The following RAB14 variants were observed in gnomAD, a reference collection of about 807,000 sequenced individuals.
The protein encoded by RAB14 is RAB14, member RAS oncogene family.
RAB14 carries 3 observed loss-of-function variants against 31.1 expected under a neutral mutation model. That is an observed-to-expected ratio of 0.10 (90% CI 0.04 to 0.25). RAB14 has a LOEUF of 0.25. Ranked by LOEUF, RAB14 falls within the 10% of genes least tolerant of loss-of-function variation. The pLI is 1.00. For missense variants in RAB14, 111 were observed against 260.1 expected, an observed-to-expected ratio of 0.43 and a Z score of 3.94; for synonymous variants, 85 against 84.9, an observed-to-expected ratio of 1.00 and a Z score of 0.00.
Position 121,178,749 on chromosome 9 carries a change from A to G in RAB14, c.*2647T>C, listed in dbSNP as rs951876528. ...TATTATCCATAAAAAAGACTTCAAC[A>G]TTGTACTGGAAGATCTATTTAAGCA... On this transcript the variant is annotated 3_prime_UTR_variant, in exon 8 of 8. Transcript: ENST00000373840. The G allele has an allele frequency of 7.2e-5, 11 of 152,228 alleles. No individual in the cohort carries two copies. The highest frequency in any genetic ancestry group is 1.2e-4 in the Non-Finnish European group (8 of 68,030). 9.4% of individuals were successfully genotyped at this position (152,228 alleles called of 1,614,324 possible). A position where few individuals can be genotyped will look rare whatever the true frequency, so the allele number is the denominator to read the frequency against.
At chr9:121,182,514 T>C (rs188385399) in intron 7 of RAB14, among the ~76,000 whole-genome samples, 7 of 152,348 alleles carry the variant, frequency 4.6e-5, no homozygotes, top group African/African-American at 1.7e-4. Context: ...TTCACTATGC[T>C]TCTGAGTAGA....
intron 5 of RAB14, among the ~76,000 whole-genome samples, chr9:121,184,258 G>A (rs965610742): frequency 1.3e-5 from 2 of 152,156 alleles, no homozygotes; most frequent in African/African-American, 2.4e-5. Flanking sequence ...TTGGGGGCAC[G>A]TATGCAGTAA....
intron 1 of RAB14, 74 bp downstream of exon 1, chr9:121,201,565 C>T (rs2053782370): frequency 1.3e-5 from 2 of 152,466 alleles, no homozygotes; most frequent in African/African-American, 4.8e-5. Context: ...TCCACCGTCC[C>T]CACACACGCC....
At chr9:121,196,624 C>T (rs12003058) in intron 1 of RAB14, among the ~76,000 whole-genome samples, 163 of 152,272 alleles carry the variant, frequency 1.1e-3, no homozygotes, top group African/African-American at 3.9e-3. Context: ...AACCACCACA[C>T]CATCCTGCCC....
At chr9:121,194,497 C>T (rs899381594) in intron 1 of RAB14, among the ~76,000 whole-genome samples, 11 of 152,248 alleles carry the variant, frequency 7.2e-5, no homozygotes, top group African/African-American at 2.6e-4. Context: ...CGTGCTAGGT[C>T]CTAGAGAGAA....
chr9:121,191,903 T>A (rs934157251), intron 3 of RAB14, among the ~76,000 whole-genome samples: 1 of 152,076 alleles, frequency 6.6e-6, no homozygotes, highest in African/African-American at 2.4e-5. Flanking sequence ...AATAAAAAGA[T>A]TAAGTTTGAC....
chr9:121,200,178 T>A (rs1481335087), intron 1 of RAB14, among the ~76,000 whole-genome samples: 1 of 152,172 alleles, frequency 6.6e-6, no homozygotes, highest in Non-Finnish European at 1.5e-5. Flanking sequence ...CCAAAACTCT[T>A]AACCACGACA....
chr9:121,183,492 A>C, intron 5 of RAB14, 94 bp from the exon 6 acceptor site: 1 of 961,098 alleles, frequency 1.0e-6, no homozygotes, highest in Non-Finnish European at 1.6e-6. Context: ...TGATAGAAAA[A>C]ATGACTGGGC....
intron 1 of RAB14, among the ~76,000 whole-genome samples, chr9:121,195,049 G>A (rs979613012): frequency 5.9e-5 from 9 of 152,050 alleles, no homozygotes; most frequent in African/African-American, 2.2e-4. Flanking sequence ...AACTGATTCT[G>A]AACATCACAA....
chr9:121,201,086 G>A (rs1422211898), intron 1 of RAB14, among the ~76,000 whole-genome samples: 3 of 152,088 alleles, frequency 2.0e-5, no homozygotes, highest in South Asian at 2.1e-4. Flanking sequence ...CCCGGCTGCA[G>A]GGCCGGGCTC....
intron 3 of RAB14, 79 bp downstream of exon 3, chr9:121,192,092 C>T: frequency 1.7e-6 from 2 of 1,144,708 alleles, no homozygotes; most frequent in South Asian, 2.9e-5. Flanking sequence ...ATGAAGTATA[C>T]TGAAAATGAC....
At position 121,181,145 on chromosome 9, in the gene RAB14, G is replaced by C. The variant is rs537210160; in HGVS notation, c.*251C>G. 6.0e-6 allele frequency: 2 copies of C among 335,290 alleles called. No individual in the cohort carries two copies. The highest frequency in any genetic ancestry group is 1.1e-5 in the Non-Finnish European group (2 of 186,516). 20.8% of individuals were successfully genotyped at this position (335,290 alleles called of 1,614,324 possible). A position where few individuals can be genotyped will look rare whatever the true frequency, so the allele number is the denominator to read the frequency against. On this transcript the variant is annotated 3_prime_UTR_variant, in exon 8 of 8. Transcript: ENST00000373840. The stretch of plus-strand genomic sequence containing the variant: ...CATATATTGGTGACATACTTATCAC[G>C]AGGACAAGGGGGAAAAAAAGTCTAG...
At chr9:121,186,639 A>C (rs192891843) in intron 5 of RAB14, among the ~76,000 whole-genome samples, 14 of 152,220 alleles carry the variant, frequency 9.2e-5, no homozygotes, top group East Asian at 1.9e-4. Context: ...TCCAATGCTA[A>C]AGTTTTATGA....
Position 121,180,524 on chromosome 9 carries a change from C to T in RAB14, c.*872G>A, listed in dbSNP as rs2053627031. 6.6e-6 allele frequency: 1 copy of T among 152,636 alleles called. No individual in the cohort carries two copies. The highest frequency in any genetic ancestry group is 1.5e-5 in the Non-Finnish European group (1 of 68,044). 9.5% of individuals were successfully genotyped at this position (152,636 alleles called of 1,614,324 possible). On this transcript the variant is annotated 3_prime_UTR_variant, in exon 8 of 8. Transcript: ENST00000373840. ...GGAGCTCTTTCCAGCATAATGTCCCCAAACACTGCCAGCACCAAGGGGTGG... is the reference window on the plus strand; with the variant it reads ...GGAGCTCTTTCCAGCATAATGTCCCTAAACACTGCCAGCACCAAGGGGTGG...
At chr9:121,189,186 C>T (rs1320610532) in intron 4 of RAB14, among the ~76,000 whole-genome samples, 1 of 152,012 alleles carries the variant, frequency 6.6e-6, no homozygotes, top group African/African-American at 2.4e-5. Flanking sequence ...AGTGTTTATC[C>T]ATTCATCAGT....
chr9:121,186,861 C>A, intron 5 of RAB14, 92 bp downstream of exon 5: 2 of 775,112 alleles, frequency 2.6e-6, no homozygotes, highest in Admixed American at 3.0e-5. Flanking sequence ...TTCTTAGTAC[C>A]TGAAGACAAA....
chr9:121,178,750 T>C lies in RAB14; in HGVS notation c.*2646A>G. The C allele has an allele frequency of 6.6e-6, 1 of 152,212 alleles. No individual in the cohort carries two copies. Among genetic ancestry groups the C allele is most frequent in the East Asian group, 1.9e-4 (1 of 5,202 alleles). The allele number at this position is 152,212 out of a possible 1,614,324, so 9.4% of individuals were successfully genotyped here. A position where few individuals can be genotyped will look rare whatever the true frequency, so the allele number is the denominator to read the frequency against. ...ATTATCCATAAAAAAGACTTCAACA[T>C]TGTACTGGAAGATCTATTTAAGCAT... On this transcript the variant is annotated 3_prime_UTR_variant, in exon 8 of 8. Coordinates refer to ENST00000373840, the MANE Select transcript of RAB14 (RefSeq NM_016322.4).
At chr9:121,196,617 C>G (rs1327981246) in intron 1 of RAB14, among the ~76,000 whole-genome samples, 1 of 152,094 alleles carries the variant, frequency 6.6e-6, no homozygotes, top group African/African-American at 2.4e-5. Flanking sequence ...CCCTCTTAAC[C>G]ACCACACCAT....
intron 3 of RAB14, among the ~76,000 whole-genome samples, chr9:121,191,067 A>G (rs2053683727): frequency 6.6e-6 from 1 of 152,172 alleles, no homozygotes; most frequent in South Asian, 2.1e-4. Flanking sequence ...GCATGGTTGT[A>G]TTCCAATAAA....
Sources: allele counts gnomAD v4.1 joint callset (sites outside exome capture counted in the v4.1 genomes callset), GRCh38; gene constraint gnomAD v4.1.1; transcripts MANE v1.5; gene names NCBI Gene and HGNC (gene_info 2026-07-23, HGNC 2026-07-21).